Variants in A2ML1 observed in about 807,000 individuals in gnomAD.
A2ML1 encodes the protein alpha-2-macroglobulin-like protein 1.
In A2ML1, 161 loss-of-function variants were observed where a neutral mutation model predicts 181.9. The observed-to-expected ratio is 0.89, with a 90% CI of 0.78 to 1.01. The LOEUF (loss-of-function observed/expected upper bound fraction) is 1.01, where lower values mean the gene tolerates loss of function less well. Ranked by LOEUF, A2ML1 falls within the 50% of genes least tolerant of loss-of-function variation. A2ML1 has a pLI of 0.00. For synonymous variants in A2ML1, 663 were observed against 666.8 expected (o/e 0.99, Z 0.09); for missense variants, 1,670 against 1,768.1 (o/e 0.94, Z 1.00).
Position 8,852,141 on chromosome 12 carries a change from A to C in A2ML1, c.2464-69A>C. 1 of 1,599,076 alleles carries C rather than the reference A, an allele frequency of 6.3e-7. No homozygotes were observed. Among genetic ancestry groups the C allele is most frequent in the Non-Finnish European group, 8.5e-7 (1 of 1,171,708 alleles). ...AGGAGATGTCGGCGTCTCAGCCCCCAGGTTTCCCCAGGCCTCTATGCACTA... is the reference window on the plus strand; with the variant it reads ...AGGAGATGTCGGCGTCTCAGCCCCCCGGTTTCCCCAGGCCTCTATGCACTA... On this transcript the variant is annotated intron_variant, in intron 19 of 35. Coordinates refer to ENST00000299698, the MANE Select transcript of A2ML1 (RefSeq NM_144670.6). The surrounding 1 kb of genome is among the most constrained non-coding windows in gnomAD (Gnocchi z 4.2).
rs1383937312 is a variant in A2ML1, at chr12:8,854,105, G to T, written c.2591-23G>T. The T allele has an allele frequency of 7.1e-6, 11 of 1,556,158 alleles. No individual in the cohort carries two copies. In the Middle Eastern group the frequency reaches 8.6e-4, roughly 121 times the overall value. The stretch of plus-strand genomic sequence containing the variant: ...GGTACCTCTGGCAATAGGGCTAATG[G>T]CTTCCCTTCTTCTTTCTCTCAGGTC... On this transcript the variant is annotated intron_variant, in intron 20 of 35. Transcript: ENST00000299698.
In A2ML1 at chr12:8,883,917, C is replaced by T. The variant is rs765735003; in HGVS notation, c.*95-2590C>T. Among the ~76,000 whole-genome samples, 1,521 of 152,168 alleles carry T rather than the reference C, an allele frequency of 1.0e-2. 27 individuals are homozygous for T. Among genetic ancestry groups the T allele is most frequent in the African/African-American group, 0.035 (1,453 of 41,424 alleles). Reference sequence around the variant, plus strand: ...TCTCCCGCCTCAGCCTCCCCAGTAGCTGAGACTACAGGCGCCCGCCAACAC... The same window carrying T: ...TCTCCCGCCTCAGCCTCCCCAGTAGTTGAGACTACAGGCGCCCGCCAACAC... On this transcript the variant is annotated intron_variant and NMD_transcript_variant, in intron 7 of 7. Coordinates refer to the A2ML1 transcript ENST00000537475.
chr12:8,869,230 A>T (rs199590733), intron 33 of A2ML1, 27 bp downstream of exon 33: 16 of 1,610,462 alleles, frequency 9.9e-6, no homozygotes, highest in Admixed American at 8.3e-5. Context: ...CAGATCAAAG[A>T]GCTGGATTGC....
At chr12:8,858,179 G>A in intron 26 of A2ML1, 77 bp downstream of exon 26, 3 of 1,501,812 alleles carry the variant, frequency 2.0e-6, no homozygotes. Flanking sequence ...AGAAGCAAAA[G>A]AGCACTGGCC....
intron 26 of A2ML1, among the ~76,000 whole-genome samples, chr12:8,860,475 C>A (rs758492142): frequency 6.6e-6 from 1 of 152,322 alleles, no homozygotes; most frequent in Non-Finnish European, 1.5e-5. Context: ...CTCACCTAAT[C>A]TCTGCTGGAG....
chr12:8,861,868 T>C (rs1389046095), intron 28 of A2ML1, among the ~76,000 whole-genome samples: 1 of 152,142 alleles, frequency 6.6e-6, no homozygotes. Context: ...CAAGCAACTC[T>C]CCTGCCTCAG....
rs1039979394 is a variant in A2ML1 at position 8,857,370 on chromosome 12, C to T, written c.3025+30C>T. On this transcript the variant is annotated intron_variant, in intron 24 of 35. Coordinates refer to ENST00000299698, the MANE Select transcript of A2ML1 (RefSeq NM_144670.6). ...GTTGGTTCAGTCTTTCTTTCTTGAA[C>T]ACTCTCCTCCACTAGGCCCTATGAC... 1.1e-5 allele frequency: 17 copies of T among 1,609,288 alleles called. No individual in the cohort carries two copies. The African/African-American group carries it at 2.3e-4, about 22-fold the overall frequency.
chr12:8,834,791 C>G, intron 5 of A2ML1, 109 bp downstream of exon 5: 1 of 1,392,218 alleles, frequency 7.2e-7, no homozygotes, highest in Middle Eastern at 1.8e-4. Context: ...GCCCAGAGCC[C>G]CATGACTCTG....
At position 8,857,147 on chromosome 12, in the gene A2ML1, C is replaced by G; in HGVS notation, c.2849-17C>G. The G allele has an allele frequency of 1.2e-6, 2 of 1,607,552 alleles. No homozygotes were observed. Among genetic ancestry groups the G allele is most frequent in the Non-Finnish European group, 8.5e-7 (1 of 1,176,784 alleles). Reference sequence around the variant, plus strand: ...TTCTCTGTACCCCTACCTTCTCTCTCTCCTTTTGGATCCCAGGAGACATTA... The same window carrying G: ...TTCTCTGTACCCCTACCTTCTCTCTGTCCTTTTGGATCCCAGGAGACATTA... On this transcript the variant is annotated splice_polypyrimidine_tract_variant and intron_variant, in intron 23 of 35. Transcript: ENST00000299698.
In A2ML1 at chr12:8,857,302, AG is replaced by A. The variant is rs2136913515; in HGVS notation, c.2989del (p.Glu997ArgfsTer12). ...CTGGAGAAGGCAGGGCTGCTGACGG[AG>A]GAGATCAGGTCTCGGGCAGTGGGTT... ...QYLEKAGLLT[E>X]EIRSRAVGFL... On this transcript the variant is annotated frameshift_variant, in exon 24 of 36. Coordinates refer to ENST00000299698, the MANE Select transcript of A2ML1 (RefSeq NM_144670.6). LOFTEE classifies it high-confidence loss of function. 1.9e-6 allele frequency: 3 copies of A among 1,613,938 alleles called. No individual in the cohort carries two copies. In the East Asian group the frequency reaches 6.7e-5, roughly 36 times the overall value.
chr12:8,837,548 C>A lies in A2ML1; in HGVS notation c.837C>A (p.Cys279Ter). ...EVEREQLPDK[C>*]RNLSGQTDKT... The stretch of plus-strand genomic sequence containing the variant: ...AACGGGAACAGCTTCCTGACAAATG[C>A]AGGAACCTCTCTGGACAGGTGAGTA... The change falls in exon 8 of 36, where the codon TGC (cysteine) becomes TGA (stop). Residue 279 changes from cysteine to a stop codon, truncating the protein, a stop_gained. Coordinates refer to ENST00000299698, the MANE Select transcript of A2ML1 (RefSeq NM_144670.6). LOFTEE classifies it high-confidence loss of function. 1 of 1,613,538 alleles carries A rather than the reference C, an allele frequency of 6.2e-7. No individual in the cohort carries two copies. Among genetic ancestry groups the A allele is most frequent in the Non-Finnish European group, 8.5e-7 (1 of 1,179,682 alleles).
chr12:8,849,812 C>A, intron 17 of A2ML1, 53 bp downstream of exon 17: 1 of 1,532,706 alleles, frequency 6.5e-7, no homozygotes, highest in Non-Finnish European at 9.0e-7. Flanking sequence ...AGTCCTGGAA[C>A]TCTGCAGATT....
chr12:8,847,098 CTTTT>C, intron 14 of A2ML1, among the ~76,000 whole-genome samples: 1 of 93,256 alleles, frequency 1.1e-5, no homozygotes, highest in African/African-American at 4.5e-5. Flanking sequence ...CCATGCCTGG[CTTTT>C]TTTTTTTTTT....
intron 28 of A2ML1, among the ~76,000 whole-genome samples, chr12:8,861,654 AT>A (rs1592147844): frequency 6.6e-6 from 1 of 150,796 alleles, no homozygotes; most frequent in Non-Finnish European, 1.5e-5. Flanking sequence ...CGCCCGGCGA[AT>A]TTTTTGTATT....
rs781733365 is a variant in A2ML1 at position 8,869,169 on chromosome 12, T to C, written c.4187T>C (p.Phe1396Ser). Residue 1396 changes from phenylalanine to serine, a missense_variant, in exon 33 of 36, where the codon TTT becomes TCT. Physicochemically the swap from Phe to Ser is radical, Grantham distance 155. Coordinates refer to ENST00000299698, the MANE Select transcript of A2ML1 (RefSeq NM_144670.6). ...CAACCCCTGGTGAAGAAGGTTGAAT[T>C]TGGAACTGACACACTTAACATTTAC... ...LQQPLVKKVE[F>S]GTDTLNIYLD... 1.2e-6 allele frequency: 2 copies of C among 1,613,996 alleles called. No homozygotes were observed. Among genetic ancestry groups the C allele is most frequent in the African/African-American group, 1.3e-5 (1 of 74,904 alleles).
intron 8 of A2ML1, among the ~76,000 whole-genome samples, chr12:8,837,966 C>G (rs1000196745): frequency 6.7e-6 from 1 of 150,176 alleles, no homozygotes; most frequent in African/African-American, 2.5e-5. Flanking sequence ...AAGAGCTAAA[C>G]AGCCCAAAGT....
Position 8,868,314 on chromosome 12 carries a change from C to A in A2ML1, c.4018C>A (p.Gln1340Lys), listed in dbSNP as rs182743597. The A allele has an allele frequency of 7.3e-5, 118 of 1,613,796 alleles. 1 individual carries two copies. The East Asian group carries it at 1.4e-3, about 19-fold the overall frequency. Residue 1340 changes from glutamine to lysine, a missense_variant, in exon 31 of 36, where the codon CAA (glutamine) becomes AAA (lysine). By Grantham distance (53) the Gln-to-Lys change is moderately conservative. Transcript: ENST00000299698. ...SVEIGKARCE[Q>K]PTSPRSLTLT... is the part of the protein sequence containing the mutation. ...GGAAATAGGAAAAGCTAGATGTGAG[C>A]AACCGACTTCACCTCGATCCTTGAC...
At chr12:8,854,648 T>G in intron 21 of A2ML1, 132 bp from the exon 22 acceptor site, 1 of 871,176 alleles carries the variant, frequency 1.1e-6, no homozygotes, top group Non-Finnish European at 1.8e-6. Context: ...TGAGCTTCAG[T>G]GAGAAGCTCT....
At position 8,850,870 on chromosome 12, in the gene A2ML1, C is replaced by T. The variant is rs753252816; in HGVS notation, c.2234+596C>T. On this transcript the variant is annotated intron_variant, in intron 18 of 35. Coordinates refer to ENST00000299698, the MANE Select transcript of A2ML1 (RefSeq NM_144670.6). ...TCTTGTGCCTCAGCCTCCCAAGTAG[C>T]TGGGACTATAGGCACATGCCACCAC... Among the ~76,000 whole-genome samples, 191 of 152,218 alleles carry T rather than the reference C, an allele frequency of 1.3e-3. 1 individual carries two copies. The highest frequency in any genetic ancestry group is 4.2e-3 in the African/African-American group (175 of 41,550).
Sources: gnomAD v4.1 joint callset for allele counts (sites outside exome capture counted in the v4.1 genomes callset) on GRCh38, gnomAD v4.1.1 for gene constraint, Gnocchi (gnomAD v3.1) non-coding constraint, MANE v1.5 for transcripts, NCBI Gene and HGNC (gene_info 2026-07-23, HGNC 2026-07-21) for gene names.